MAP3K4: variants seen among roughly 807,000 people sequenced by gnomAD.
MAP3K4 encodes MAP three kinase 1.
Under a neutral mutation model 185.6 loss-of-function variants are expected in MAP3K4, and 67 were observed. That is an observed-to-expected ratio of 0.36 (90% confidence interval 0.30 to 0.44). The LOEUF (loss-of-function observed/expected upper bound fraction) is 0.44. Ranked by LOEUF, MAP3K4 falls within the 20% of genes least tolerant of loss-of-function variation. The pLI, the probability that MAP3K4 is intolerant of heterozygous loss-of-function variation, is 1.00. For missense variants in MAP3K4, 1,551 were observed against 1,995.1 expected (o/e 0.78, Z 4.24); for synonymous variants, 702 against 710.4 (o/e 0.99, Z 0.19).
chr6:161,027,258 A>G (rs1315054476), intron 1 of MAP3K4, among the ~76,000 whole-genome samples: 1 of 152,242 alleles, frequency 6.6e-6, no homozygotes, highest in Admixed American at 6.5e-5. Flanking sequence ...TATATACTTA[A>G]CAAGAGTTTC....
rs745320026 is a variant in MAP3K4 at position 161,098,310 on chromosome 6, A to G, written c.3557A>G (p.His1186Arg). ...TRSMPSDARS[H>R]GSPAAAAAAA... ...AGCATGCCTTCCGACGCGCGGAGCC[A>G]TGGCAGCCCTGCTGCTGCTGCTGCT... Residue 1186 changes from histidine to arginine, a missense_variant, in exon 17 of 27, where the codon CAT (histidine) becomes CGT (arginine). His to Arg is a conservative substitution (Grantham distance 29, BLOSUM62 0). This residue lies in a region of MAP3K4 where 272 missense variants were observed against 301.2 expected (regional missense o/e 0.90). Coordinates refer to ENST00000392142, the MANE Select transcript of MAP3K4 (RefSeq NM_005922.4). This position sits in a 1 kb window ranked among gnomAD's most constrained non-coding sequence, Gnocchi z 4.4. 51 of 1,589,292 alleles carry G rather than the reference A, an allele frequency of 3.2e-5. No individual in the cohort carries two copies. The highest frequency in any genetic ancestry group is 1.9e-4 in the Admixed American group (11 of 56,416).
At chr6:161,023,626 T>G (rs1282663131) in intron 1 of MAP3K4, among the ~76,000 whole-genome samples, 1 of 152,238 alleles carries the variant, frequency 6.6e-6, no homozygotes, top group Non-Finnish European at 1.5e-5. Context: ...AAGCCCTGTT[T>G]CAGACTCTCT....
chr6:161,045,012 T>C (rs895660556), intron 2 of MAP3K4, among the ~76,000 whole-genome samples: 1 of 152,236 alleles, frequency 6.6e-6, no homozygotes, highest in African/African-American at 2.4e-5. Flanking sequence ...GGGGCAAATA[T>C]ACAAACCAAA....
chr6:161,110,826 C>T lies in MAP3K4; in HGVS notation c.4396+912C>T, dbSNP rs1001467735. On this transcript the variant is annotated intron_variant, in intron 23 of 26. Coordinates refer to ENST00000392142, the MANE Select transcript of MAP3K4 (RefSeq NM_005922.4). This position sits in a 1 kb window ranked among gnomAD's most constrained non-coding sequence, Gnocchi z 4.8. ...ACCTTGCTTTGGTGTCTGGGGTCAT[C>T]CTGATGTTGGCTTAACTGGCTCTGT... 6.6e-6 allele frequency among the ~76,000 whole-genome samples: 1 copy of T among 152,180 alleles called. No homozygotes were observed. Among genetic ancestry groups the T allele is most frequent in the Non-Finnish European group, 1.5e-5 (1 of 68,030 alleles).
At chr6:161,032,264 C>A (rs189302593) in intron 1 of MAP3K4, among the ~76,000 whole-genome samples, 14 of 152,314 alleles carry the variant, frequency 9.2e-5, no homozygotes, top group Admixed American at 8.5e-4. Flanking sequence ...CCATGCTCAA[C>A]TCCTAGGTGA....
intron 1 of MAP3K4, among the ~76,000 whole-genome samples, chr6:160,994,057 A>C (rs1780877155): frequency 6.6e-6 from 1 of 151,688 alleles, no homozygotes; most frequent in Non-Finnish European, 1.5e-5. Flanking sequence ...GTTCATTTGA[A>C]CTTTTTTTTT....
In MAP3K4 at chr6:161,088,770, C is replaced by A. The variant is rs1785867582; in HGVS notation, c.2824-552C>A. Among the ~76,000 whole-genome samples the A allele has an allele frequency of 6.6e-6, 1 of 152,196 alleles. No individual in the cohort carries two copies. The highest frequency in any genetic ancestry group is 2.4e-5 in the African/African-American group (1 of 41,448). ...TTTCTGACTTTGAGTTTCCCTGCTT[C>A]AAACCTCACCTTCTGTCTCTCCAAT... On this transcript the variant is annotated intron_variant, in intron 10 of 26. Coordinates refer to ENST00000392142, the MANE Select transcript of MAP3K4 (RefSeq NM_005922.4). The surrounding 1 kb of genome is among the most constrained non-coding windows in gnomAD (Gnocchi z 4.5).
In MAP3K4 at chr6:161,061,927, T is replaced by C. The variant is rs934943962; in HGVS notation, c.1708-8681T>C. Among the ~76,000 whole-genome samples the C allele has an allele frequency of 2.0e-5, 3 of 152,200 alleles. No homozygotes were observed. The highest frequency in any genetic ancestry group is 4.8e-5 in the African/African-American group (2 of 41,470). Reference sequence around the variant, plus strand: ...TTTTATAAGAATTATGTGAAGTACTTGGTTTTACAAGAAAATCTAAATGTA... The same window carrying C: ...TTTTATAAGAATTATGTGAAGTACTCGGTTTTACAAGAAAATCTAAATGTA... On this transcript the variant is annotated intron_variant, in intron 3 of 26. Coordinates refer to ENST00000392142, the MANE Select transcript of MAP3K4 (RefSeq NM_005922.4). The surrounding 1 kb of genome is among the most constrained non-coding windows in gnomAD (Gnocchi z 4.2).
intron 1 of MAP3K4, among the ~76,000 whole-genome samples, chr6:161,026,261 G>A (rs1782647257): frequency 6.6e-6 from 1 of 151,764 alleles, no homozygotes; most frequent in South Asian, 2.1e-4. Context: ...CTCCCGAGTA[G>A]CTGGGATTAC....
rs1781637407 is a variant in MAP3K4, at chr6:161,007,354, T to TA, written c.152+15272dup. On this transcript the variant is annotated intron_variant, in intron 1 of 26. Transcript: ENST00000392142. This position sits in a 1 kb window ranked among gnomAD's most constrained non-coding sequence, Gnocchi z 4.5. The stretch of plus-strand genomic sequence containing the variant: ...AAGAGGAGGGAGAAACTTAGGGTTT[T>TA]ATAAAACGTGGGAATTACTGAGGAA... Among the ~76,000 whole-genome samples the TA allele has an allele frequency of 6.6e-6, 1 of 152,220 alleles. No homozygotes were observed. The highest frequency in any genetic ancestry group is 1.5e-5 in the Non-Finnish European group (1 of 68,034).
At chr6:161,045,582 A>C (rs1396272345) in intron 2 of MAP3K4, among the ~76,000 whole-genome samples, 2 of 152,184 alleles carry the variant, frequency 1.3e-5, no homozygotes, top group Non-Finnish European at 2.9e-5. Context: ...CAGATTTGGA[A>C]TAATGCTTGT....
At chr6:161,102,057 TTC>T in intron 18 of MAP3K4, 65 bp downstream of exon 18, 1 of 1,345,172 alleles carries the variant, frequency 7.4e-7, no homozygotes, top group Non-Finnish European at 1.1e-6. Flanking sequence ...GTTCACCAGT[TTC>T]TGTTGTTAAT....
chr6:161,072,658 G>A (rs1261323725), intron 4 of MAP3K4, among the ~76,000 whole-genome samples: 1 of 152,184 alleles, frequency 6.6e-6, no homozygotes, highest in Admixed American at 6.5e-5. Context: ...ACTCTAGAAA[G>A]TTTGTATCAG....
Position 161,106,374 on chromosome 6 carries a change from C to A in MAP3K4, c.3857-140C>A. 1.7e-6 allele frequency: 1 copy of A among 577,386 alleles called. No homozygotes were observed. The allele number at this position is 577,386 out of a possible 1,614,324, so 35.8% of individuals were successfully genotyped here. ...GTAGCGTTTGAAGAACTTTAATTCA[C>A]CTGCTGTTTATCTGAATAGATAATA... On this transcript the variant is annotated intron_variant, in intron 19 of 26. Coordinates refer to ENST00000392142, the MANE Select transcript of MAP3K4 (RefSeq NM_005922.4). The surrounding 1 kb of genome is among the most constrained non-coding windows in gnomAD (Gnocchi z 4.9).
rs1338859211 is a variant in MAP3K4 at position 161,116,028 on chromosome 6, A to T, written c.4806+726A>T. The stretch of plus-strand genomic sequence containing the variant: ...GTTCTGATACAGCCAAGGGGTTGGG[A>T]GAGGGCGTTCCGGGTGAGTGAACAG... On this transcript the variant is annotated intron_variant, in intron 26 of 26. Coordinates refer to ENST00000392142, the MANE Select transcript of MAP3K4 (RefSeq NM_005922.4). This position sits in a 1 kb window ranked among gnomAD's most constrained non-coding sequence, Gnocchi z 6.2. Among the ~76,000 whole-genome samples the T allele has an allele frequency of 1.3e-5, 2 of 152,166 alleles. No homozygotes were observed. The highest frequency in any genetic ancestry group is 2.9e-5 in the Non-Finnish European group (2 of 68,030).
chr6:161,003,792 G>A (rs1781443922), intron 1 of MAP3K4, among the ~76,000 whole-genome samples: 1 of 152,024 alleles, frequency 6.6e-6, no homozygotes, highest in African/African-American at 2.4e-5. Context: ...AGGATATTTG[G>A]TTGTTTCTTT....
At chr6:161,014,346 A>T (rs761496303) in intron 1 of MAP3K4, among the ~76,000 whole-genome samples, 1 of 152,250 alleles carries the variant, frequency 6.6e-6, no homozygotes, top group Non-Finnish European at 1.5e-5. Flanking sequence ...AGAACCTGTC[A>T]TAAAATCCTT....
rs953034819 is a variant in MAP3K4 at position 161,082,771 on chromosome 6, G to C, written c.2256-1730G>C. ...CACTCCACACTTCCACTCTTCCCAG[G>C]TTGTCATTTCTCACGTATGTTATTG... On this transcript the variant is annotated intron_variant, in intron 6 of 26. Coordinates refer to ENST00000392142, the MANE Select transcript of MAP3K4 (RefSeq NM_005922.4). The surrounding 1 kb of genome is among the most constrained non-coding windows in gnomAD (Gnocchi z 4.2). Among the ~76,000 whole-genome samples, 3 of 152,064 alleles carry C rather than the reference G, an allele frequency of 2.0e-5. No homozygotes were observed. The East Asian group carries it at 5.8e-4, about 29-fold the overall frequency.
At chr6:161,045,342 C>CA (rs1285204481) in intron 2 of MAP3K4, among the ~76,000 whole-genome samples, 1 of 151,962 alleles carries the variant, frequency 6.6e-6, no homozygotes, top group Non-Finnish European at 1.5e-5. Flanking sequence ...CACAAAATTT[C>CA]AAAAAATTGT....
Sources: allele counts gnomAD v4.1 joint callset (sites outside exome capture counted in the v4.1 genomes callset), GRCh38; gene constraint gnomAD v4.1.1; regional missense constraint gnomAD v4.1.1; non-coding constraint Gnocchi (gnomAD v3.1); transcripts MANE v1.5; gene names NCBI Gene and HGNC (gene_info 2026-07-23, HGNC 2026-07-21).